The following BCL11A variants were observed in gnomAD, a reference collection of about 807,000 sequenced individuals.
BCL11A encodes BCL11 transcription factor A, also known as B cell CLL/lymphoma 11A.
Under a neutral mutation model 55.9 loss-of-function variants are expected in BCL11A, and 2 were observed. The ratio of observed to expected loss-of-function variants is 0.04; its 90% CI spans 0.01 to 0.11. The LOEUF is 0.11. Among genes scored for constraint, BCL11A ranks in the 10% least tolerant of loss-of-function variants. The pLI is 1.00. For synonymous variants in BCL11A, 465 were observed against 473.4 expected (o/e 0.98, Z 0.23); for missense variants, 817 against 1,137.1 (o/e 0.72, Z 4.05).
intron 2 of BCL11A, among the ~76,000 whole-genome samples, chr2:60,504,642 C>G (rs185636231): frequency 6.6e-6 from 1 of 152,192 alleles, no homozygotes; most frequent in Non-Finnish European, 1.5e-5. Context: ...CTAGTCAGAA[C>G]GTTCTCTCAG....
chr2:60,452,981 C>A, downstream of BCL11A: 1 of 209,166 alleles, frequency 4.8e-6, no homozygotes. Flanking sequence ...GCCCTTATGA[C>A]TGAGAAAACT....
intron 2 of BCL11A, among the ~76,000 whole-genome samples, chr2:60,520,716 C>T (rs1216392692): frequency 6.7e-6 from 1 of 149,560 alleles, no homozygotes; most frequent in Non-Finnish European, 1.5e-5. Context: ...CAGACAGTCC[C>T]CCACCCCCAC....
Position 60,553,574 on chromosome 2 carries a change from A to C in BCL11A, c.-304T>G, listed in dbSNP as rs1411046899. The C allele has an allele frequency of 1.3e-5, 5 of 389,146 alleles. No homozygotes were observed. Among genetic ancestry groups the C allele is most frequent in the Non-Finnish European group, 1.8e-5 (4 of 225,556 alleles). 24.1% of individuals were successfully genotyped at this position (389,146 alleles called of 1,614,324 possible). On this transcript the variant is annotated 5_prime_UTR_variant, in exon 1 of 4. Coordinates refer to ENST00000642384, the MANE Select transcript of BCL11A (RefSeq NM_022893.4). The stretch of plus-strand genomic sequence containing the variant: ...GAGAGAGAGATGAAAAAAATGGCAA[A>C]AGCCCCCCTGAGCTGCAAGTTCAAG...
Position 60,501,505 on chromosome 2 carries a change from C to CTTTT in BCL11A, c.386-32676_386-32673dup, listed in dbSNP as rs11366853. Among the ~76,000 whole-genome samples, 432 of 119,638 alleles carry CTTTT rather than the reference C, an allele frequency of 3.6e-3. 4 individuals carry two copies. Among genetic ancestry groups the CTTTT allele is most frequent in the African/African-American group, 0.012 (370 of 31,506 alleles). 78.5% of individuals were successfully genotyped at this position (119,638 alleles called of 152,430 possible). A position where few individuals can be genotyped will look rare whatever the true frequency, so the allele number is the denominator to read the frequency against. ...CTTTTGCAAGTACTGACACCGCTTT[C>CTTTT]TTTTTTTTTTTTTTTTTTTTTGAGA... On this transcript the variant is annotated intron_variant, in intron 2 of 3. Coordinates refer to ENST00000642384, the MANE Select transcript of BCL11A (RefSeq NM_022893.4).
intron 2 of BCL11A, among the ~76,000 whole-genome samples, chr2:60,469,761 T>G (rs966973059): frequency 6.6e-6 from 1 of 152,180 alleles, no homozygotes; most frequent in African/African-American, 2.4e-5. Flanking sequence ...GTTTATGTGG[T>G]AAGTGCCTAG....
At chr2:60,479,597 C>T (rs955495593) in intron 2 of BCL11A, among the ~76,000 whole-genome samples, 1 of 152,260 alleles carries the variant, frequency 6.6e-6, no homozygotes, top group Non-Finnish European at 1.5e-5. Flanking sequence ...CCATCGCACT[C>T]AAACCCTGTC....
At chr2:60,531,111 T>C (rs1459493581) in intron 2 of BCL11A, among the ~76,000 whole-genome samples, 9 of 151,494 alleles carry the variant, frequency 5.9e-5, no homozygotes, top group Non-Finnish European at 1.5e-5. Flanking sequence ...CCGGAGCAGA[T>C]GGACTTGACC....
chr2:60,485,599 C>T (rs1011476784), intron 2 of BCL11A, among the ~76,000 whole-genome samples: 2 of 152,194 alleles, frequency 1.3e-5, no homozygotes. Flanking sequence ...AAGAAAAACC[C>T]TCCATCCAAC....
chr2:60,491,625 C>T (rs1264078873), intron 2 of BCL11A, among the ~76,000 whole-genome samples: 4 of 151,408 alleles, frequency 2.6e-5, no homozygotes, highest in African/African-American at 4.9e-5. Context: ...GAGCCGAGAT[C>T]GCGCCATTGC....
At chr2:60,507,512 G>C (rs932281688) in intron 2 of BCL11A, among the ~76,000 whole-genome samples, 1 of 152,096 alleles carries the variant, frequency 6.6e-6, no homozygotes, top group African/African-American at 2.4e-5. Flanking sequence ...CTTGTGAAGT[G>C]CTTTTACATT....
chr2:60,450,705 T>C (rs1281673737), downstream of BCL11A: 4 of 152,144 alleles, frequency 2.6e-5, no homozygotes, highest in African/African-American at 9.7e-5. Flanking sequence ...AACTAATTGA[T>C]AGGAAGTCAC....
exon 5 of BCL11A, chr2:60,451,315 G>T (rs765559963): frequency 5.7e-5 from 13 of 227,392 alleles, no homozygotes; most frequent in Non-Finnish European, 1.0e-4. Flanking sequence ...TGAATCTACA[G>T]CACACAGGTG....
chr2:60,462,070 C>A lies in BCL11A; in HGVS notation c.842G>T (p.Arg281Leu), dbSNP rs937109015. The A allele has an allele frequency of 1.3e-6, 2 of 1,585,126 alleles. No individual in the cohort carries two copies. Among genetic ancestry groups the A allele is most frequent in the Non-Finnish European group, 1.7e-6 (2 of 1,166,204 alleles). The change falls in exon 4 of 4, where the codon CGC (arginine) becomes CTC (leucine). Residue 281 changes from arginine to leucine, a missense_variant. By Grantham distance (102) the Arg-to-Leu change is moderately radical. Coordinates refer to ENST00000642384, the MANE Select transcript of BCL11A (RefSeq NM_022893.4). ...RHHLDPHRIERLGAEEMALAT... is the reference protein window; with the variant it reads ...RHHLDPHRIELLGAEEMALAT... Reference sequence around the variant, plus strand: ...CAGGGCCATCTCTTCCGCCCCCAGGCGCTCTATGCGGTGGGGGTCCAAGTG... The same window carrying A: ...CAGGGCCATCTCTTCCGCCCCCAGGAGCTCTATGCGGTGGGGGTCCAAGTG...
At chr2:60,529,753 C>T (rs561655553) in intron 2 of BCL11A, among the ~76,000 whole-genome samples, 1 of 152,304 alleles carries the variant, frequency 6.6e-6, no homozygotes, top group East Asian at 1.9e-4. Context: ...GATTTTATCA[C>T]ATTTTATATA....
intron 2 of BCL11A, among the ~76,000 whole-genome samples, chr2:60,486,624 G>T (rs912963887): frequency 6.6e-6 from 1 of 152,356 alleles, no homozygotes; most frequent in Non-Finnish European, 1.5e-5. Context: ...GCACAGAAAT[G>T]AGCAGCATGA....
chr2:60,460,778 C>A lies in BCL11A; in HGVS notation c.2134G>T (p.Gly712Trp), dbSNP rs1469923757. 1 of 1,613,416 alleles carries A rather than the reference C, an allele frequency of 6.2e-7. No homozygotes were observed. Among genetic ancestry groups the A allele is most frequent in the African/African-American group, 1.3e-5 (1 of 75,078 alleles). The change falls in exon 4 of 4, where the codon GGG becomes TGG. Residue 712 changes from glycine to tryptophan, a missense_variant. Gly to Trp is a radical substitution (Grantham distance 184). This residue lies in a region of BCL11A where 379 missense variants were observed against 425.3 expected (regional missense o/e 0.89). Transcript: ENST00000642384. ...CCTCCACTTCCCGTGCCGCTGCGCC[C>A]CGAGATCCCTCCGTCCAGCTCCCCG... ...PPGELDGGIS[G>W]RSGTGSGGST...
chr2:60,519,183 T>C (rs147231548), intron 2 of BCL11A, among the ~76,000 whole-genome samples: 2 of 152,184 alleles, frequency 1.3e-5, no homozygotes, highest in African/African-American at 4.8e-5. Context: ...AAAAAAGAAA[T>C]AGGTGTGAAA....
intron 1 of BCL11A, among the ~76,000 whole-genome samples, chr2:60,550,369 G>A (rs1670353555): frequency 6.6e-6 from 1 of 152,200 alleles, no homozygotes; most frequent in South Asian, 2.1e-4. Context: ...TGATGGGGGA[G>A]AGAAAGGGAA....
At chr2:60,496,362 C>T (rs1349971103) in intron 2 of BCL11A, among the ~76,000 whole-genome samples, 1 of 152,160 alleles carries the variant, frequency 6.6e-6, no homozygotes, top group Non-Finnish European at 1.5e-5. Context: ...GGCAAGTGTC[C>T]AGGGCAGAAC....
Sources: gnomAD v4.1 joint callset for allele counts (sites outside exome capture counted in the v4.1 genomes callset) on GRCh38, gnomAD v4.1.1 for gene constraint, gnomAD v4.1.1 regional missense constraint, MANE v1.5 for transcripts, NCBI Gene and HGNC (gene_info 2026-07-23, HGNC 2026-07-21) for gene names.